Variants in CLOCK observed in about 807,000 individuals in gnomAD.
CLOCK encodes circadian locomoter output cycles protein kaput.
In CLOCK, 43 loss-of-function variants were observed where a neutral mutation model predicts 118.4. The observed-to-expected ratio is 0.36, with a 90% CI of 0.28 to 0.47. The LOEUF (loss-of-function observed/expected upper bound fraction) is 0.47. Among genes scored for constraint, CLOCK ranks in the 20% least tolerant of loss-of-function variants. The pLI is 1.00. For missense variants in CLOCK, 846 were observed against 999.9 expected (o/e 0.85, Z 2.08); for synonymous variants, 326 against 339.2 (o/e 0.96, Z 0.43).
intron 7 of CLOCK, among the ~76,000 whole-genome samples, chr4:55,475,104 A>G (rs1417061606): frequency 6.6e-6 from 1 of 152,228 alleles, no homozygotes; most frequent in Non-Finnish European, 1.5e-5. Context: ...ATGGCATGAG[A>G]AGATTTCTGA....
At chr4:55,522,659 A>T (rs1410105558) in intron 1 of CLOCK, among the ~76,000 whole-genome samples, 1 of 152,216 alleles carries the variant, frequency 6.6e-6, no homozygotes, top group African/African-American at 2.4e-5. Context: ...ACCTAGATTC[A>T]TCAACTGTTA....
rs1327779867 is a variant in CLOCK at position 55,476,058 on chromosome 4, T to C, written c.257-4A>G. Reference sequence around the variant, plus strand: ...GCATCTGACTGTGCAGTGATTTCTGTAAACAGATTGACATATTAGTGGCAT... The same window carrying C: ...GCATCTGACTGTGCAGTGATTTCTGCAAACAGATTGACATATTAGTGGCAT... On this transcript the variant is annotated splice_polypyrimidine_tract_variant and splice_region_variant and intron_variant, in intron 6 of 22. Transcript: ENST00000513440. 8 of 1,606,288 alleles carry C rather than the reference T, an allele frequency of 5.0e-6. No homozygotes were observed. In the South Asian group the frequency reaches 5.5e-5, roughly 11 times the overall value.
At chr4:55,480,628 C>T (rs918883529) in intron 4 of CLOCK, among the ~76,000 whole-genome samples, 1 of 152,158 alleles carries the variant, frequency 6.6e-6, no homozygotes, top group South Asian at 2.1e-4. Flanking sequence ...CAGTGGCTCA[C>T]GCCTGTAATC....
chr4:55,484,000 G>C (rs1182352921), intron 3 of CLOCK, among the ~76,000 whole-genome samples: 1 of 152,040 alleles, frequency 6.6e-6, no homozygotes, highest in African/African-American at 2.4e-5. Context: ...ACATTCAAAG[G>C]AAATGCTCAA....
Position 55,429,720 on chromosome 4 carries a change from G to A in CLOCK, c.*5695C>T, listed in dbSNP as rs2109586851. On this transcript the variant is annotated 3_prime_UTR_variant, in exon 23 of 23. Coordinates refer to ENST00000513440, the MANE Select transcript of CLOCK (RefSeq NM_004898.4). Reference sequence around the variant, plus strand: ...TGTCATACTGGCCTTTGACTGTGTTGGGGAAGTAATCACACAAAAAGTGCC... The same window carrying A: ...TGTCATACTGGCCTTTGACTGTGTTAGGGAAGTAATCACACAAAAAGTGCC... 1 of 152,286 alleles carries A rather than the reference G, an allele frequency of 6.6e-6. No homozygotes were observed. Among genetic ancestry groups the A allele is most frequent in the Admixed American group, 6.5e-5 (1 of 15,284 alleles). The allele number at this position is 152,286 out of a possible 1,614,324, so 9.4% of individuals were successfully genotyped here.
At chr4:55,452,136 G>A (rs1417524391) in intron 15 of CLOCK, 2 of 152,168 alleles carry the variant, frequency 1.3e-5, no homozygotes, top group South Asian at 4.1e-4. Context: ...TTGAGTGTGG[G>A]CTGGATCTAC....
intron 1 of CLOCK, among the ~76,000 whole-genome samples, chr4:55,529,521 T>C (rs141793830): frequency 3.3e-5 from 5 of 152,194 alleles, no homozygotes; most frequent in South Asian, 2.1e-4. Flanking sequence ...ATTCAGGACA[T>C]AGAAGAAATC....
rs1483396942 is a variant in CLOCK at position 55,458,913 on chromosome 4, T to C, written c.771A>G (p.Leu257=). The change falls in exon 11 of 23, where the codon TTA becomes TTG. Residue 257 remains leucine (L), a synonymous_variant. Transcript: ENST00000513440. ...DRVCFVATVR[L]ATPQFIKEMC... ...ATACCTTGATGAACTGAGGTGTAGCTAACCTGACAGTAGCTACAAAACAAA... is the reference window on the plus strand; with the variant it reads ...ATACCTTGATGAACTGAGGTGTAGCCAACCTGACAGTAGCTACAAAACAAA... 5.6e-6 allele frequency: 9 copies of C among 1,612,406 alleles called. No individual in the cohort carries two copies. The Admixed American group carries it at 1.0e-4, about 18-fold the overall frequency.
At chr4:55,440,019 T>A (rs1436322886) in intron 21 of CLOCK, among the ~76,000 whole-genome samples, 1 of 152,052 alleles carries the variant, frequency 6.6e-6, no homozygotes, top group East Asian at 1.9e-4. Flanking sequence ...ACAATAAAAA[T>A]TTTTTTTAAT....
intron 1 of CLOCK, among the ~76,000 whole-genome samples, chr4:55,536,875 A>G (rs1730940631): frequency 6.6e-6 from 1 of 152,180 alleles, no homozygotes; most frequent in Non-Finnish European, 1.5e-5. Flanking sequence ...TGAGACATAA[A>G]CAAAACAATC....
intron 9 of CLOCK, among the ~76,000 whole-genome samples, chr4:55,460,212 C>T (rs1172239242): frequency 1.2e-4 from 19 of 152,186 alleles, no homozygotes; most frequent in Admixed American, 1.2e-3. Context: ...GTCATTCCCA[C>T]AGCATAAACT....
chr4:55,454,013 C>G (rs187660705), intron 13 of CLOCK, among the ~76,000 whole-genome samples, 189 bp from the exon 14 acceptor site: 32 of 152,130 alleles, frequency 2.1e-4, no homozygotes, highest in Non-Finnish European at 3.7e-4. Flanking sequence ...ATTATCAGAT[C>G]TACAGTGCCC....
In CLOCK at chr4:55,438,394, G is replaced by A. The variant is rs755501826; in HGVS notation, c.2249C>T (p.Thr750Ile). The change falls in exon 22 of 23, where the codon ACA becomes ATA. Residue 750 changes from threonine to isoleucine, a missense_variant. By Grantham distance (89) the Thr-to-Ile change is moderately conservative (BLOSUM62 -1). This residue lies in a region of CLOCK where 520 missense variants were observed against 558.0 expected (regional missense o/e 0.93). Transcript: ENST00000513440. ...CTGCTGCTGCTGCGTTACTGACAAT[G>A]TCTGTGACTGTTGCTGTTGTGTAGC... ...TFATQQQQSQ[T>I]LSVTQQQQQQ... is the part of the protein sequence containing the mutation. The A allele has an allele frequency of 1.2e-6, 2 of 1,613,778 alleles. No individual in the cohort carries two copies. Among genetic ancestry groups the A allele is most frequent in the Non-Finnish European group, 1.7e-6 (2 of 1,179,978 alleles).
At chr4:55,508,807 T>C (rs1728969502) in intron 2 of CLOCK, among the ~76,000 whole-genome samples, 1 of 152,180 alleles carries the variant, frequency 6.6e-6, no homozygotes, top group Admixed American at 6.6e-5. Flanking sequence ...TTAGCCAGGA[T>C]GGTCTCGATA....
Position 55,455,954 on chromosome 4 carries a change from C to A in CLOCK, c.925G>T (p.Gly309Cys). The change falls in exon 13 of 23, where the codon GGC (glycine) becomes TGC (cysteine). Residue 309 changes from glycine (G) to cysteine (C), a missense_variant. Gly to Cys is a radical substitution (Grantham distance 159). Around this residue, in one of 4 missense-constraint regions of CLOCK, gnomAD observed 66 missense variants for 99.4 expected, o/e 0.66. Coordinates refer to ENST00000513440, the MANE Select transcript of CLOCK (RefSeq NM_004898.4). ...YLPFEVLGTS[G>C]YDYYHVDDLE... The stretch of plus-strand genomic sequence containing the variant: ...TCATCCACATGATAGTAATCATAGC[C>A]TGATGTTCCCAGAACTTCAAATGGC... The A allele has an allele frequency of 6.2e-7, 1 of 1,613,622 alleles. No individual in the cohort carries two copies.
chr4:55,429,314 T>TAG lies in CLOCK; in HGVS notation c.*6100_*6101insCT, dbSNP rs1722368605. 1 of 152,178 alleles carries TAG rather than the reference T, an allele frequency of 6.6e-6. No individual in the cohort carries two copies. The highest frequency in any genetic ancestry group is 2.1e-4 in the South Asian group (1 of 4,830). The allele number at this position is 152,178 out of a possible 1,614,324, so 9.4% of individuals were successfully genotyped here. On this transcript the variant is annotated 3_prime_UTR_variant, in exon 23 of 23. Coordinates refer to ENST00000513440, the MANE Select transcript of CLOCK (RefSeq NM_004898.4). ...GTGGTTGACGTGCTTTAACTACCGT[T>TAG]CTCTAAGTTGTGTGCTATACCTAGC...
At chr4:55,480,238 T>C (rs764790932) in intron 4 of CLOCK, among the ~76,000 whole-genome samples, 19 of 152,146 alleles carry the variant, frequency 1.2e-4, no homozygotes, top group Non-Finnish European at 2.1e-4. Flanking sequence ...AATAAGACAT[T>C]TAGCTGCTTT....
At chr4:55,525,374 C>T (rs1361684234) in intron 1 of CLOCK, among the ~76,000 whole-genome samples, 1 of 152,132 alleles carries the variant, frequency 6.6e-6, no homozygotes, top group Non-Finnish European at 1.5e-5. Flanking sequence ...ACTCAGAAGT[C>T]TGAGGCAAGA....
Position 55,428,096 on chromosome 4 carries a change from CA to C in CLOCK, c.*7318del, listed in dbSNP as rs1439240930. 2.0e-5 allele frequency: 3 copies of C among 152,128 alleles called. No individual in the cohort carries two copies. Among genetic ancestry groups the C allele is most frequent in the African/African-American group, 7.2e-5 (3 of 41,436 alleles). 9.4% of individuals were successfully genotyped at this position (152,128 alleles called of 1,614,324 possible). On this transcript the variant is annotated 3_prime_UTR_variant, in exon 23 of 23. Coordinates refer to ENST00000513440, the MANE Select transcript of CLOCK (RefSeq NM_004898.4). ...CTGGATCTAATTATTTTTACATTTA[CA>C]AAAACTGCTACTGCTTGGCTCTTTT...
Sources: gnomAD v4.1 joint callset for allele counts (sites outside exome capture counted in the v4.1 genomes callset) on GRCh38, gnomAD v4.1.1 for gene constraint, gnomAD v4.1.1 regional missense constraint, MANE v1.5 for transcripts, NCBI Gene and HGNC (gene_info 2026-07-23, HGNC 2026-07-21) for gene names.